Variants in TECR observed in about 807,000 individuals in gnomAD.
TECR encodes trans-2,3-enoyl-CoA reductase.
Under a neutral mutation model 50.6 loss-of-function variants are expected in TECR, and 19 were observed. That is an observed-to-expected ratio of 0.38 (90% CI 0.26 to 0.55). The LOEUF is 0.55. Ranked by LOEUF, TECR falls within the 20% of genes least tolerant of loss-of-function variation. The probability of loss-of-function intolerance (pLI) is 0.79; values close to 1 mark genes in which losing one functional copy is unlikely to be tolerated. For synonymous variants in TECR, 168 were observed against 163.5 expected, an observed-to-expected ratio of 1.03 and a Z score of -0.21; for missense variants, 313 against 408.3, an observed-to-expected ratio of 0.77 and a Z score of 2.01.
At chr19:14,541,015 A>C (rs1220178874) in intron 1 of TECR, among the ~76,000 whole-genome samples, 1 of 152,048 alleles carries the variant, frequency 6.6e-6, no homozygotes, top group East Asian at 1.9e-4. Context: ...TAGTAGAGAC[A>C]GGGTTTCACC....
At chr19:14,539,140 ATTTTTT>A (rs57801378) in intron 1 of TECR, among the ~76,000 whole-genome samples, 19 of 92,532 alleles carry the variant, frequency 2.1e-4, no homozygotes, top group East Asian at 5.9e-4. Context: ...CGCCCGGCTA[ATTTTTT>A]TTTTTTTTTT....
chr19:14,529,302 G>A (rs149311488), upstream of TECR: 17 of 389,938 alleles, frequency 4.4e-5, no homozygotes, highest in African/African-American at 2.5e-4. Context: ...TGGCCTAACC[G>A]TCGCTTACCT....
chr19:14,563,073 G>C lies in TECR; in HGVS notation c.67-133G>C, dbSNP rs1599497825. On this transcript the variant is annotated intron_variant, in intron 2 of 12. Coordinates refer to ENST00000215567, the MANE Select transcript of TECR (RefSeq NM_138501.6). This position sits in a 1 kb window ranked among gnomAD's most constrained non-coding sequence, Gnocchi z 5.3. ...TGGTCCTTCCCTGACTGCAGGCAGA[G>C]GCCTGGACCCCAGCCCTTCCCCCTT... The C allele has an allele frequency of 1.7e-6, 2 of 1,151,764 alleles. No individual in the cohort carries two copies. Among genetic ancestry groups the C allele is most frequent in the African/African-American group, 3.0e-5 (2 of 65,766 alleles). 71.3% of individuals were successfully genotyped at this position (1,151,764 alleles called of 1,614,324 possible). A position where few individuals can be genotyped will look rare whatever the true frequency, so the allele number is the denominator to read the frequency against.
intron 7 of TECR, 195 bp from the exon 8 acceptor site, chr19:14,564,591 C>T: frequency 3.3e-6 from 2 of 612,138 alleles, no homozygotes; most frequent in South Asian, 3.6e-5. Context: ...ACCCCTAGGC[C>T]CCTCCTGTCC....
upstream of TECR, among the ~76,000 whole-genome samples, chr19:14,528,869 G>T (rs1469735314): frequency 6.6e-5 from 10 of 152,130 alleles, no homozygotes. Context: ...GCTTGAACCC[G>T]GGAGGCGGAG....
chr19:14,543,438 TTTTTTTTTTTTTTTTTTTG>T (rs2073193975), intron 1 of TECR, among the ~76,000 whole-genome samples: 1 of 48,576 alleles, frequency 2.1e-5, no homozygotes, highest in Non-Finnish European at 4.6e-5. Flanking sequence ...TTTTTTTTTT[TTTTTTTTTTTTTTTTTTTG>T]AGACGGAGTC....
chr19:14,545,418 G>A (rs1200069082), intron 1 of TECR, among the ~76,000 whole-genome samples: 1 of 151,408 alleles, frequency 6.6e-6, no homozygotes, highest in Non-Finnish European at 1.5e-5. Flanking sequence ...CTGCACCGCT[G>A]TCTCCTCTCC....
chr19:14,542,347 GTTTTTTTTTTTTTT>G (rs71166754), intron 1 of TECR, among the ~76,000 whole-genome samples: 33 of 43,306 alleles, frequency 7.6e-4, no homozygotes, highest in Admixed American at 1.8e-3. Flanking sequence ...ATGCCATAGT[GTTTTTTTTTTTTTT>G]TTTTTTTTTT....
chr19:14,529,634 T>C lies in TECR; in HGVS notation c.-63T>C, dbSNP rs770235598. The C allele has an allele frequency of 1.2e-6, 2 of 1,613,064 alleles. No homozygotes were observed. Among genetic ancestry groups the C allele is most frequent in the East Asian group, 4.5e-5 (2 of 44,876 alleles). On this transcript the variant is annotated 5_prime_UTR_variant, in exon 1 of 13. Coordinates refer to ENST00000215567, the MANE Select transcript of TECR (RefSeq NM_138501.6). ...GCGGTTGCGAGCGCTGTAGGGAGCC[T>C]GTGCTGTGCCGCGCAGTTAGGCAGC...
chr19:14,532,531 A>T (rs929175561), intron 1 of TECR: 1 of 151,750 alleles, frequency 6.6e-6, no homozygotes, highest in African/African-American at 2.4e-5. Context: ...AAAAAAAAAA[A>T]AAAAGGGAAG....
intron 1 of TECR, among the ~76,000 whole-genome samples, chr19:14,545,431 A>C (rs908871507): frequency 8.0e-6 from 1 of 125,468 alleles, no homozygotes; most frequent in Admixed American, 7.7e-5. Context: ...TCCTCTCCAC[A>C]GCTCCTGGTA....
intron 1 of TECR, among the ~76,000 whole-genome samples, chr19:14,534,306 A>G (rs192982197): frequency 0.022 from 2,989 of 137,458 alleles, 86 homozygotes; most frequent in African/African-American, 0.072. Context: ...TTGTATTTTT[A>G]GTAGAGATGA....
In TECR at chr19:14,536,431, G is replaced by A. The variant is rs547119966; in HGVS notation, c.15+6720G>A. 2.0e-3 allele frequency among the ~76,000 whole-genome samples: 297 copies of A among 151,954 alleles called. 2 individuals are homozygous for A. Among genetic ancestry groups the A allele is most frequent in the Non-Finnish European group, 3.3e-3 (222 of 67,956 alleles). On this transcript the variant is annotated intron_variant, in intron 1 of 12. Coordinates refer to ENST00000215567, the MANE Select transcript of TECR (RefSeq NM_138501.6). ...ATTACAGGCGCCCACCACCACGCCC[G>A]GCTAATTTTTGTATTTTTAGTAGAG...
intron 1 of TECR, among the ~76,000 whole-genome samples, chr19:14,561,755 A>G (rs1288704525): frequency 6.6e-6 from 1 of 152,228 alleles, no homozygotes; most frequent in African/African-American, 2.4e-5. Context: ...CTCTGCACCC[A>G]TAACTCCAGA....
chr19:14,538,206 C>G (rs548911401), intron 1 of TECR, among the ~76,000 whole-genome samples: 20 of 152,304 alleles, frequency 1.3e-4, no homozygotes, highest in Non-Finnish European at 2.8e-4. Flanking sequence ...CTTCTAGAAC[C>G]AGAGTGGGCT....
chr19:14,562,460 G>C, intron 1 of TECR, 65 bp from the exon 2 acceptor site: 2 of 1,601,622 alleles, frequency 1.2e-6, no homozygotes, highest in Non-Finnish European at 1.7e-6. Context: ...GGCCTCAATG[G>C]GCTCCCCAGG....
At chr19:14,535,582 ATATATATGTATG>A (rs2072866664) in intron 1 of TECR, among the ~76,000 whole-genome samples, 3 of 38,810 alleles carry the variant, frequency 7.7e-5, no homozygotes, top group African/African-American at 2.4e-4. Flanking sequence ...ATATATATAT[ATATATATGTATG>A]TATATATAAA....
rs201720177 is a variant in TECR at position 14,547,832 on chromosome 19, GT to G, written c.16-14684del. ...ATACCACCTACAGCCGGCTACTTTT[GT>G]TTTTTTTTGGTAGAAATGGGGTCTT... On this transcript the variant is annotated intron_variant, in intron 1 of 12. Coordinates refer to ENST00000215567, the MANE Select transcript of TECR (RefSeq NM_138501.6). Among the ~76,000 whole-genome samples, 421 of 148,590 alleles carry G rather than the reference GT, an allele frequency of 2.8e-3. 6 individuals are homozygous for G. Among genetic ancestry groups the G allele is most frequent in the Admixed American group, 0.026 (393 of 14,862 alleles).
rs777048560 is a variant in TECR, at chr19:14,564,804, G to T, written c.508G>T (p.Gly170Cys). ...CTTTCAGAACTGCACCTACTACTGG[G>T]GCTTCGCCGCGTGGATGGCCTATTA... ...NIFKNCTYYW[G>C]FAAWMAYYIN... Residue 170 changes from glycine (G) to cysteine (C), a missense_variant, in exon 8 of 13, where the codon GGC becomes TGC. Coordinates refer to ENST00000215567, the MANE Select transcript of TECR (RefSeq NM_138501.6). The T allele has an allele frequency of 2.5e-6, 4 of 1,613,416 alleles. No individual in the cohort carries two copies. In the African/African-American group the frequency reaches 5.4e-5, roughly 22 times the overall value.
Sources: gnomAD v4.1 joint callset for allele counts (sites outside exome capture counted in the v4.1 genomes callset) on GRCh38, gnomAD v4.1.1 for gene constraint, Gnocchi (gnomAD v3.1) non-coding constraint, MANE v1.5 for transcripts, NCBI Gene and HGNC (gene_info 2026-07-23, HGNC 2026-07-21) for gene names.